Variants in EMILIN2 observed in about 807,000 individuals in gnomAD.
EMILIN2 encodes the protein elastin microfibril interfacer 2.
In EMILIN2, 71 loss-of-function variants were observed where a neutral mutation model predicts 87.1. The observed-to-expected ratio is 0.82, with a 90% CI of 0.67 to 0.99. EMILIN2 has a LOEUF of 0.99. EMILIN2 is among the 50% of genes least tolerant of loss of function. EMILIN2 has a pLI of 0.00. For synonymous variants in EMILIN2, 581 were observed against 563.4 expected, an observed-to-expected ratio of 1.03 and a Z score of -0.44; for missense variants, 1,407 against 1,371.8, an observed-to-expected ratio of 1.03 and a Z score of -0.40.
intron 4 of EMILIN2, among the ~76,000 whole-genome samples, chr18:2,903,332 C>T (rs982462459): frequency 6.6e-6 from 1 of 152,058 alleles, no homozygotes; most frequent in Non-Finnish European, 1.5e-5. Context: ...AGAAACAGGC[C>T]GTCAGTGTCT....
chr18:2,858,227 A>T (rs979887868), intron 2 of EMILIN2, among the ~76,000 whole-genome samples: 1 of 151,008 alleles, frequency 6.6e-6, no homozygotes, highest in African/African-American at 2.4e-5. Context: ...TAAATTCTTT[A>T]GTGGTGATTT....
intron 2 of EMILIN2, among the ~76,000 whole-genome samples, chr18:2,860,825 A>T (rs1197044255): frequency 6.6e-6 from 1 of 152,156 alleles, no homozygotes; most frequent in Non-Finnish European, 1.5e-5. Flanking sequence ...TGACTTCCAC[A>T]ATGGTTGAAC....
In EMILIN2 at chr18:2,907,017, C is replaced by A; in HGVS notation, c.2594C>A (p.Pro865Gln). ...AGAGVSGRGL[P>Q]RGVDGQTGSG... ...GCAGGCGTGTCTGGGCGGGGTCTGC[C>A]GCGGGGCGTGGACGGCCAGACCGGG... is the stretch of plus-strand genomic sequence containing the variant. The change falls in exon 5 of 8, where the codon CCG becomes CAG. Residue 865 changes from proline (P) to glutamine (Q), a missense_variant. Physicochemically the swap from Pro to Gln is moderately conservative, Grantham distance 76. Transcript: ENST00000254528. 7.6e-7 allele frequency: 1 copy of A among 1,322,874 alleles called. No homozygotes were observed. 81.9% of individuals were successfully genotyped at this position (1,322,874 alleles called of 1,614,324 possible).
chr18:2,858,583 G>GTGTGTGTGTGTGTGTGTGTATATATA (rs1180735843), intron 2 of EMILIN2, among the ~76,000 whole-genome samples: 3 of 63,034 alleles, frequency 4.8e-5, no homozygotes, highest in African/African-American at 2.8e-4. Flanking sequence ...GTGTGTGTGT[G>GTGTGTGTGTGTGTGTGTGTATATATA]TATATATATA....
intron 2 of EMILIN2, among the ~76,000 whole-genome samples, chr18:2,877,396 C>T (rs1204783131): frequency 6.6e-6 from 1 of 150,530 alleles, no homozygotes; most frequent in Non-Finnish European, 1.5e-5. Flanking sequence ...CATACCACAT[C>T]GTCTAAGACA....
At chr18:2,874,858 T>C (rs2076739379) in intron 2 of EMILIN2, among the ~76,000 whole-genome samples, 1 of 152,274 alleles carries the variant, frequency 6.6e-6, no homozygotes, top group African/African-American at 2.4e-5. Flanking sequence ...AGATTTTCGA[T>C]GCTTCTGAGT....
chr18:2,913,638 C>CGTTTTTTAA lies in EMILIN2; in HGVS notation c.*234_*235insGTTTTTTAA. 6.0e-6 allele frequency: 3 copies of CGTTTTTTAA among 502,026 alleles called. No individual in the cohort carries two copies. The highest frequency in any genetic ancestry group is 3.8e-5 in the Admixed American group (1 of 26,266). The allele number at this position is 502,026 out of a possible 1,614,324, so 31.1% of individuals were successfully genotyped here. A position where few individuals can be genotyped will look rare whatever the true frequency, so the allele number is the denominator to read the frequency against. ...CTTTTCTGCCACTCTAACTGGACAA[C>CGTTTTTTAA]TGGAAGACTTGGAAAGGCCTCCACC... On this transcript the variant is annotated 3_prime_UTR_variant, in exon 8 of 8. Transcript: ENST00000254528.
In EMILIN2 at chr18:2,909,825, T is replaced by A. The variant is rs552127238; in HGVS notation, c.2824+6T>A. 3 of 1,612,790 alleles carry A rather than the reference T, an allele frequency of 1.9e-6. No individual in the cohort carries two copies. The highest frequency in any genetic ancestry group is 2.7e-5 in the African/African-American group (2 of 74,926). ...TGTTTACAACCCCAGCACCGGTGAG[T>A]GTTTGAACGGAACTGGTACTGTGTC... is the stretch of plus-strand genomic sequence containing the variant. On this transcript the variant is annotated splice_donor_region_variant and intron_variant, in intron 7 of 7. Transcript: ENST00000254528.
chr18:2,870,821 G>A (rs1057351696), intron 2 of EMILIN2, among the ~76,000 whole-genome samples: 3 of 152,190 alleles, frequency 2.0e-5, no homozygotes, highest in Non-Finnish European at 4.4e-5. Flanking sequence ...TGAGGGCTTC[G>A]AGGGAAGGAT....
At position 2,914,762 on chromosome 18, in the gene EMILIN2, C is replaced by G. The variant is rs1332584881; in HGVS notation, c.*1358C>G. The G allele has an allele frequency of 8.5e-6, 1 of 117,574 alleles. No homozygotes were observed. The highest frequency in any genetic ancestry group is 1.8e-5 in the Non-Finnish European group (1 of 54,960). 7.3% of individuals were successfully genotyped at this position (117,574 alleles called of 1,614,324 possible). A position where few individuals can be genotyped will look rare whatever the true frequency, so the allele number is the denominator to read the frequency against. ...TGCAAATGAATTTACAGGGTGGCCACTGGACACTTCAGAGTTCCTTATTTA... is the reference window on the plus strand; with the variant it reads ...TGCAAATGAATTTACAGGGTGGCCAGTGGACACTTCAGAGTTCCTTATTTA... On this transcript the variant is annotated 3_prime_UTR_variant, in exon 8 of 8. Coordinates refer to ENST00000254528, the MANE Select transcript of EMILIN2 (RefSeq NM_032048.3).
At chr18:2,867,770 A>C (rs1275347125) in intron 2 of EMILIN2, among the ~76,000 whole-genome samples, 1 of 152,210 alleles carries the variant, frequency 6.6e-6, no homozygotes. Flanking sequence ...AGACACGGCA[A>C]CCATCCGATT....
At position 2,898,029 on chromosome 18, in the gene EMILIN2, G is replaced by A. The variant is rs188935780; in HGVS notation, c.2359+5543G>A. On this transcript the variant is annotated intron_variant, in intron 4 of 7. Transcript: ENST00000254528. ...TTTATTCCCTATGCAGTGTAGCCAC[G>A]GAGTTGAGCCCTCCTTCCCAGATGG... 5.3e-5 allele frequency among the ~76,000 whole-genome samples: 8 copies of A among 152,256 alleles called. No homozygotes were observed. The East Asian group carries it at 7.7e-4, about 15-fold the overall frequency.
rs775873942 is a variant in EMILIN2 at position 2,868,791 on chromosome 18, A to AGGAGAGGGAGAGGGAGAG, written c.258-16167_258-16150dup. ...GGCATCAGACGGAGACCGTGGAAAG[A>AGGAGAGGGAGAGGGAGAG]GGAGAGGGAGAGGGAGAGGGAGACC... On this transcript the variant is annotated intron_variant, in intron 2 of 7. Coordinates refer to ENST00000254528, the MANE Select transcript of EMILIN2 (RefSeq NM_032048.3). Among the ~76,000 whole-genome samples the AGGAGAGGGAGAGGGAGAG allele has an allele frequency of 4.5e-3, 681 of 152,206 alleles. 17 individuals are homozygous for AGGAGAGGGAGAGGGAGAG. The highest frequency in any genetic ancestry group is 0.034 in the Admixed American group (522 of 15,274).
Position 2,913,649 on chromosome 18 carries a change from G to GTAAT in EMILIN2, c.*245_*246insTAAT. 6.2e-6 allele frequency: 3 copies of GTAAT among 482,458 alleles called. No homozygotes were observed. Among genetic ancestry groups the GTAAT allele is most frequent in the South Asian group, 2.7e-5 (1 of 36,828 alleles). The allele number at this position is 482,458 out of a possible 1,614,324, so 29.9% of individuals were successfully genotyped here. A position where few individuals can be genotyped will look rare whatever the true frequency, so the allele number is the denominator to read the frequency against. Reference sequence around the variant, plus strand: ...CTCTAACTGGACAACTGGAAGACTTGGAAAGGCCTCCACCTGTATCTACAC... The same window carrying GTAAT: ...CTCTAACTGGACAACTGGAAGACTTGTAATGAAAGGCCTCCACCTGTATCTACAC... On this transcript the variant is annotated 3_prime_UTR_variant, in exon 8 of 8. Coordinates refer to ENST00000254528, the MANE Select transcript of EMILIN2 (RefSeq NM_032048.3).
intron 4 of EMILIN2, among the ~76,000 whole-genome samples, chr18:2,897,276 A>AG: frequency 6.6e-6 from 1 of 152,332 alleles, no homozygotes; most frequent in East Asian, 1.9e-4. Flanking sequence ...TAAACAGTGG[A>AG]GGATTAACTA....
At chr18:2,858,567 ATATGTGTGTGTGTGTG>A (rs1598485632) in intron 2 of EMILIN2, among the ~76,000 whole-genome samples, 9 of 58,768 alleles carry the variant, frequency 1.5e-4, no homozygotes, top group East Asian at 6.7e-4. Context: ...ATATATATAT[ATATGTGTGTGTGTGTG>A]TATATATATA....
Position 2,891,124 on chromosome 18 carries a change from A to T in EMILIN2, c.997A>T (p.Met333Leu). 2 of 1,614,218 alleles carry T rather than the reference A, an allele frequency of 1.2e-6. No homozygotes were observed. The highest frequency in any genetic ancestry group is 1.3e-5 in the African/African-American group (1 of 75,048). The change falls in exon 4 of 8, where the codon ATG becomes TTG. Residue 333 changes from methionine to leucine, a missense_variant. Physicochemically the swap from Met to Leu is conservative, Grantham distance 15. Coordinates refer to ENST00000254528, the MANE Select transcript of EMILIN2 (RefSeq NM_032048.3). The surrounding 1 kb of genome is among the most constrained non-coding windows in gnomAD (Gnocchi z 4.6). Reference sequence around the variant, plus strand: ...CCTGAGAGAGGAGCTCATGGAGGGCATGGACAGAAAGCTGGCTGACCTGAA... The same window carrying T: ...CCTGAGAGAGGAGCTCATGGAGGGCTTGGACAGAAAGCTGGCTGACCTGAA... Reference protein sequence around the residue: ...DALREELMEGMDRKLADLKNS... With the variant: ...DALREELMEGLDRKLADLKNS...
intron 2 of EMILIN2, among the ~76,000 whole-genome samples, chr18:2,879,915 C>T (rs2076768568): frequency 1.3e-5 from 2 of 152,038 alleles, no homozygotes; most frequent in Non-Finnish European, 2.9e-5. Flanking sequence ...GCTATGTTGC[C>T]CAGGCTGTTC....
chr18:2,847,168 G>A lies in EMILIN2; in HGVS notation c.-21G>A. 9.2e-7 allele frequency: 1 copy of A among 1,087,204 alleles called. No homozygotes were observed. Among genetic ancestry groups the A allele is most frequent in the Non-Finnish European group, 1.1e-6 (1 of 900,148 alleles). The allele number at this position is 1,087,204 out of a possible 1,614,324, so 67.3% of individuals were successfully genotyped here. A position where few individuals can be genotyped will look rare whatever the true frequency, so the allele number is the denominator to read the frequency against. On this transcript the variant is annotated 5_prime_UTR_variant, in exon 1 of 8. Transcript: ENST00000254528. This position sits in a 1 kb window ranked among gnomAD's most constrained non-coding sequence, Gnocchi z 4.5. ...CCGCGCTCCGGACCCGGGCAGGCGG[G>A]GCGCGCCCGCTGCGCGCGGGATGTG...
Sources: allele counts gnomAD v4.1 joint callset (sites outside exome capture counted in the v4.1 genomes callset), GRCh38; gene constraint gnomAD v4.1.1; non-coding constraint Gnocchi (gnomAD v3.1); transcripts MANE v1.5; gene names NCBI Gene and HGNC (gene_info 2026-07-23, HGNC 2026-07-21).